Variants in DMBT1 observed in about 807,000 individuals in gnomAD.
The protein encoded by DMBT1 is scavenger receptor cysteine-rich domain-containing protein DMBT1.
A neutral mutation model predicts 252.9 loss-of-function variants in DMBT1; 198 were observed. That is an observed-to-expected ratio of 0.78 (90% CI 0.70 to 0.88). The LOEUF is 0.88. DMBT1 is among the 40% of genes least tolerant of loss of function. The pLI is 0.00. For missense variants in DMBT1, 2,432 were observed against 2,404.7 expected, an observed-to-expected ratio of 1.01 and a Z score of -0.24; for synonymous variants, 990 against 942.7, an observed-to-expected ratio of 1.05 and a Z score of -0.92.
At chr10:122,599,381 T>A (rs1051962257) in intron 26 of DMBT1, among the ~76,000 whole-genome samples, 3 of 152,022 alleles carry the variant, frequency 2.0e-5, no homozygotes, top group Non-Finnish European at 4.4e-5. Context: ...GGGCTCCATT[T>A]CTCCCCTGCT....
intron 44 of DMBT1, among the ~76,000 whole-genome samples, chr10:122,621,968 C>A (rs1022666367): frequency 2.6e-5 from 4 of 152,194 alleles, no homozygotes; most frequent in African/African-American, 9.7e-5. Context: ...CCCATGAGAT[C>A]TGCCAGGCAA....
At chr10:122,588,364 C>T (rs1402020212) in intron 16 of DMBT1, among the ~76,000 whole-genome samples, 2 of 147,392 alleles carry the variant, frequency 1.4e-5, no homozygotes, top group Non-Finnish European at 3.0e-5. Context: ...GACCTGTCTC[C>T]CTTGGGATCC....
chr10:122,592,101 A>G lies in DMBT1; in HGVS notation c.2177-171A>G, dbSNP rs185812950. Among the ~76,000 whole-genome samples the G allele has an allele frequency of 1.9e-3, 282 of 148,588 alleles. 23 individuals carry two copies. The highest frequency in any genetic ancestry group is 2.5e-3 in the Non-Finnish European group (170 of 66,688). On this transcript the variant is annotated intron_variant, in intron 19 of 55. Transcript: ENST00000338354. ...TCCATAAACCCAGGCAGAATAGGGT[A>G]TCACCTCTCCTTCCAGTATGATGAA...
chr10:122,640,511 C>G, intron 55 of DMBT1, 62 bp downstream of exon 55: 2 of 1,513,648 alleles, frequency 1.3e-6, no homozygotes, highest in Non-Finnish European at 1.8e-6. Context: ...CATGAGTAGC[C>G]CCAAAGGCTT....
intron 44 of DMBT1, among the ~76,000 whole-genome samples, 185 bp from the exon 45 acceptor site, chr10:122,625,092 A>G (rs1339475404): frequency 6.6e-6 from 1 of 152,226 alleles, no homozygotes; most frequent in Admixed American, 6.5e-5. Flanking sequence ...TCAGGCTGTA[A>G]GAATGAATTC....
rs762978977 is a variant in DMBT1, at chr10:122,632,854, T to C, written c.6368-7T>C. Reference sequence around the variant, plus strand: ...AACTGATCCTGATCTTTTCTTTTTGTCAACAGCTCCTTTTCTCAACATCAC... The same window carrying C: ...AACTGATCCTGATCTTTTCTTTTTGCCAACAGCTCCTTTTCTCAACATCAC... On this transcript the variant is annotated splice_polypyrimidine_tract_variant and splice_region_variant and intron_variant, in intron 50 of 55. Coordinates refer to ENST00000338354, the MANE Select transcript of DMBT1 (RefSeq NM_001377530.1). 3 of 1,613,660 alleles carry C rather than the reference T, an allele frequency of 1.9e-6. No homozygotes were observed. Among genetic ancestry groups the C allele is most frequent in the African/African-American group, 2.7e-5 (2 of 74,912 alleles).
At position 122,601,949 on chromosome 10, in the gene DMBT1, G is replaced by A. The variant is rs758773696; in HGVS notation, c.3496G>A (p.Gly1166Ser). 5 of 1,408,642 alleles carry A rather than the reference G, an allele frequency of 3.5e-6. 2 individuals carry two copies. Among genetic ancestry groups the A allele is most frequent in the Non-Finnish European group, 4.6e-6 (5 of 1,085,868 alleles). The allele number at this position is 1,408,642 out of a possible 1,614,324, so 87.3% of individuals were successfully genotyped here. ...TGTGGTTTGCAGGCAGCTGGGCTGT[G>A]GCTGGGCCATGTCAGCCCCAGGAAA... ...ANVVCRQLGC[G>S]WAMSAPGNAR... Residue 1166 changes from glycine (G) to serine (S), a missense_variant, in exon 29 of 56, where the codon GGC (glycine) becomes AGC (serine). This residue lies in a region of DMBT1 where 6 missense variants were observed against 153.4 expected (regional missense o/e 0.04). Transcript: ENST00000338354.
rs1412000451 is a variant in DMBT1 at position 122,593,586 on chromosome 10, A to G, written c.2518A>G (p.Thr840Ala). The change falls in exon 21 of 56, where the codon ACA (threonine) becomes GCA (alanine). Residue 840 changes from threonine to alanine, a missense_variant. Thr to Ala is a moderately conservative substitution (Grantham distance 58). This residue lies in a region of DMBT1 where 1,264 missense variants were observed against 1,082.2 expected (regional missense o/e 1.17). Transcript: ENST00000338354. ...VICSVSQSRP[T>A]PSPDTWPTSH... ...TCTCACAGTTTCCCAGTCCCGGCCG[A>G]CACCCAGTCCAGGTAGGTCCCCAGT... 3 of 1,587,288 alleles carry G rather than the reference A, an allele frequency of 1.9e-6. No individual in the cohort carries two copies. The highest frequency in any genetic ancestry group is 2.7e-5 in the African/African-American group (2 of 74,164).
intron 44 of DMBT1, among the ~76,000 whole-genome samples, chr10:122,623,560 A>C (rs893888617): frequency 5.3e-5 from 8 of 152,170 alleles, no homozygotes; most frequent in Non-Finnish European, 1.0e-4. Flanking sequence ...ATCCTCACCA[A>C]CACTTGTTAT....
Position 122,586,151 on chromosome 10 carries a change from C to A in DMBT1, c.1551C>A (p.Thr517=), listed in dbSNP as rs371686981. Residue 517 remains threonine (T), a synonymous_variant, in exon 16 of 56, where the codon ACC becomes ACA. Transcript: ENST00000338354. Reference sequence around the variant, plus strand: ...TCCTATACCGAGGCTCCTGGGGCACCGTGTGTGATGACAGCTGGGACACCA... The same window carrying A: ...TCCTATACCGAGGCTCCTGGGGCACAGTGTGTGATGACAGCTGGGACACCA... ...VEVLYRGSWG[T]VCDDSWDTND... The A allele has an allele frequency of 2.5e-6, 4 of 1,589,030 alleles. No individual in the cohort carries two copies. The highest frequency in any genetic ancestry group is 3.4e-6 in the Non-Finnish European group (4 of 1,166,116).
chr10:122,627,355 A>AACAC (rs139009577), intron 46 of DMBT1, among the ~76,000 whole-genome samples: 2 of 150,648 alleles, frequency 1.3e-5, no homozygotes, highest in African/African-American at 4.9e-5. Flanking sequence ...CACACACACA[A>AACAC]ACACACACAC....
At position 122,586,326 on chromosome 10, in the gene DMBT1, A is replaced by G. The variant is rs964211056; in HGVS notation, c.1726A>G (p.Asn576Asp). The change falls in exon 16 of 56, where the codon AAT (asparagine) becomes GAT (aspartate). Residue 576 changes from asparagine to aspartate, a missense_variant. This residue lies in a region of DMBT1 where 1,264 missense variants were observed against 1,082.2 expected (regional missense o/e 1.17). Transcript: ENST00000338354. ...NESYLWSCPHNGWLSHNCGHS... is the reference protein window; with the variant it reads ...NESYLWSCPHDGWLSHNCGHS... ...GTCCTACTTGTGGAGCTGCCCCCAC[A>G]ATGGCTGGCTCTCCCATAACTGTGG... The G allele has an allele frequency of 6.3e-7, 1 of 1,588,544 alleles. No individual in the cohort carries two copies.
Position 122,562,596 on chromosome 10 carries a change from A to G in DMBT1, c.61+1765A>G, listed in dbSNP as rs144573519. 3.6e-3 allele frequency among the ~76,000 whole-genome samples: 543 copies of G among 152,376 alleles called. 1 individual carries two copies. Among genetic ancestry groups the G allele is most frequent in the Non-Finnish European group, 6.0e-3 (409 of 68,040 alleles). ...CTCCAGATTGTCTCTGAACCATGAC[A>G]TGGAATTCACATCAGCCACTGTAGA... On this transcript the variant is annotated intron_variant, in intron 1 of 55. Transcript: ENST00000338354.
intron 51 of DMBT1, 55 bp from the exon 52 acceptor site, chr10:122,633,136 A>C: frequency 6.3e-7 from 1 of 1,589,128 alleles, no homozygotes; most frequent in Non-Finnish European, 8.5e-7. Context: ...GTCCGCAGGT[A>C]GACTGTGCAG....
At chr10:122,570,809 T>C in intron 3 of DMBT1, 81 bp from the exon 4 acceptor site, 1 of 1,512,572 alleles carries the variant, frequency 6.6e-7, no homozygotes, top group Non-Finnish European at 9.2e-7. Context: ...CAGCCCTTGC[T>C]TCAGAGCTGA....
At chr10:122,572,579 C>T (rs1218668963) in intron 5 of DMBT1, among the ~76,000 whole-genome samples, 2 of 152,212 alleles carry the variant, frequency 1.3e-5, no homozygotes, top group Non-Finnish European at 2.9e-5. Context: ...CTGTAGTTTA[C>T]TTGCTTTGCT....
At chr10:122,599,246 T>C (rs1002761305) in intron 26 of DMBT1, 149 bp downstream of exon 26, 10 of 1,454,692 alleles carry the variant, frequency 6.9e-6, no homozygotes, top group Non-Finnish European at 9.2e-6. Context: ...AGAATCCCTA[T>C]GTACTCACTG....
At chr10:122,622,368 A>G (rs1015814448) in intron 44 of DMBT1, among the ~76,000 whole-genome samples, 7 of 152,166 alleles carry the variant, frequency 4.6e-5, no homozygotes, top group Non-Finnish European at 7.4e-5. Flanking sequence ...CAGGAACTCA[A>G]CTCAAACACT....
chr10:122,633,313 C>T lies in DMBT1; in HGVS notation c.6520C>T (p.Arg2174Cys), dbSNP rs532637691. ...VWDIEVQNNY[R>C]VTVIFRDVQL... ...GGACATTGAGGTGCAAAACAACTAC[C>T]GTGTGACTGTGATCTTCAGAGATGT... Residue 2174 changes from arginine (R) to cysteine (C), a missense_variant, in exon 52 of 56, where the codon CGT becomes TGT. Physicochemically the swap from Arg to Cys is radical, Grantham distance 180. Around this residue, in one of 3 missense-constraint regions of DMBT1, gnomAD observed 1,162 missense variants for 1,169.0 expected, o/e 0.99. Transcript: ENST00000338354. 8.7e-6 allele frequency: 14 copies of T among 1,613,944 alleles called. No individual in the cohort carries two copies. The highest frequency in any genetic ancestry group is 4.4e-5 in the South Asian group (4 of 91,066).
Sources: allele counts gnomAD v4.1 joint callset (sites outside exome capture counted in the v4.1 genomes callset), GRCh38; gene constraint gnomAD v4.1.1; regional missense constraint gnomAD v4.1.1; transcripts MANE v1.5; gene names NCBI Gene and HGNC (gene_info 2026-07-23, HGNC 2026-07-21).